TBC1D32: variants seen among roughly 807,000 people sequenced by gnomAD.
TBC1D32 encodes protein broad-minded.
Under a neutral mutation model 170.3 loss-of-function variants are expected in TBC1D32, and 151 were observed. The ratio of observed to expected loss-of-function variants is 0.89; its 90% CI spans 0.78 to 1.01. TBC1D32 has a LOEUF of 1.01. Among genes scored for constraint, TBC1D32 ranks in the 50% least tolerant of loss-of-function variants. The pLI is 0.00. For missense variants in TBC1D32, 1,464 were observed against 1,457.1 expected (o/e 1.00, Z -0.08); for synonymous variants, 498 against 488.0 (o/e 1.02, Z -0.27).
At chr6:121,147,461 G>A (rs182253405) in intron 24 of TBC1D32, among the ~76,000 whole-genome samples, 7 of 152,190 alleles carry the variant, frequency 4.6e-5, no homozygotes, top group African/African-American at 1.4e-4. Flanking sequence ...CTCTTTTCTC[G>A]GAAGCCCTGC....
At chr6:121,247,787 G>C (rs777298221) in intron 17 of TBC1D32, among the ~76,000 whole-genome samples, 15 of 146,636 alleles carry the variant, frequency 1.0e-4, no homozygotes, top group Admixed American at 2.7e-4. Flanking sequence ...AAATTTATAT[G>C]CACCTAACAC....
chr6:121,300,665 C>G (rs1277144694), intron 9 of TBC1D32, among the ~76,000 whole-genome samples: 1 of 152,010 alleles, frequency 6.6e-6, no homozygotes, highest in Non-Finnish European at 1.5e-5. Context: ...AAAGCAATGA[C>G]AACAAAAGCC....
chr6:121,301,625 G>A (rs200485863), intron 9 of TBC1D32, among the ~76,000 whole-genome samples: 7 of 152,090 alleles, frequency 4.6e-5, no homozygotes, highest in South Asian at 2.1e-4. Context: ...ACCATGGCAC[G>A]TGTATACCTA....
At chr6:121,293,640 G>A (rs148487116) in intron 11 of TBC1D32, among the ~76,000 whole-genome samples, 6 of 152,248 alleles carry the variant, frequency 3.9e-5, no homozygotes, top group African/African-American at 1.2e-4. Flanking sequence ...TGCAGGGCGC[G>A]GTGGCTCATG....
In TBC1D32 at chr6:121,218,807, G is replaced by A. The variant is rs117302213; in HGVS notation, c.2481+4429C>T. On this transcript the variant is annotated intron_variant, in intron 21 of 31. Coordinates refer to ENST00000398212, the MANE Select transcript of TBC1D32 (RefSeq NM_152730.6). Reference sequence around the variant, plus strand: ...TTACCCCCATGCTGTTTTCATGATAGTGAGTTATCATGAGATATGATGGTT... The same window carrying A: ...TTACCCCCATGCTGTTTTCATGATAATGAGTTATCATGAGATATGATGGTT... Among the ~76,000 whole-genome samples, 236 of 152,256 alleles carry A rather than the reference G, an allele frequency of 1.6e-3. 1 individual carries two copies. The highest frequency in any genetic ancestry group is 3.4e-3 in the Middle Eastern group (1 of 294).
intron 15 of TBC1D32, among the ~76,000 whole-genome samples, chr6:121,276,233 G>A (rs1281933357): frequency 1.3e-5 from 2 of 151,990 alleles, no homozygotes; most frequent in Non-Finnish European, 2.9e-5. Context: ...AAAAGTAAAT[G>A]AGTAACAGAA....
intron 20 of TBC1D32, among the ~76,000 whole-genome samples, chr6:121,228,460 T>C (rs1795328814): frequency 6.6e-6 from 1 of 152,136 alleles, no homozygotes. Flanking sequence ...CTGATGTATT[T>C]TTATTTGCAT....
intron 29 of TBC1D32, among the ~76,000 whole-genome samples, chr6:121,107,769 G>A (rs141366018): frequency 0.014 from 2,182 of 152,014 alleles, 14 homozygotes; most frequent in Middle Eastern, 0.031. Flanking sequence ...TCTAATAGTA[G>A]CATAAGAGTT....
At chr6:121,288,650 T>G (rs967681793) in intron 12 of TBC1D32, among the ~76,000 whole-genome samples, 27 of 152,318 alleles carry the variant, frequency 1.8e-4, no homozygotes, top group African/African-American at 6.5e-4. Context: ...CTAACTCATT[T>G]TATGAGGCCA....
intron 5 of TBC1D32, among the ~76,000 whole-genome samples, chr6:121,306,856 C>T (rs1277851840): frequency 6.6e-6 from 1 of 152,042 alleles, no homozygotes; most frequent in East Asian, 1.9e-4. Context: ...TATGATTCAC[C>T]TCAAATTATT....
intron 24 of TBC1D32, among the ~76,000 whole-genome samples, chr6:121,136,038 C>A (rs9490125): frequency 1.2e-3 from 186 of 152,130 alleles, no homozygotes; most frequent in African/African-American, 4.4e-3. Flanking sequence ...CAAAACTCCC[C>A]TAACATGAAT....
intron 29 of TBC1D32, among the ~76,000 whole-genome samples, chr6:121,106,817 TTA>T (rs1389477289): frequency 2.0e-5 from 3 of 151,940 alleles, no homozygotes; most frequent in Non-Finnish European, 1.5e-5. Flanking sequence ...TGATAGTTAC[TTA>T]TATATATGTG....
At position 121,192,066 on chromosome 6, in the gene TBC1D32, T is replaced by TTATATATATA. The variant is rs1554263739; in HGVS notation, c.2570+12999_2570+13008dup. On this transcript the variant is annotated intron_variant, in intron 22 of 31. Transcript: ENST00000398212. Reference sequence around the variant, plus strand: ...AAGTTAATACTTAATAAACTACCCTTTATATATATATATATATCCTATTAG... The same window carrying TTATATATATA: ...AAGTTAATACTTAATAAACTACCCTTTATATATATATATATATATATATATATCCTATTAG... Among the ~76,000 whole-genome samples the TTATATATATA allele has an allele frequency of 8.4e-4, 103 of 122,432 alleles. 5 individuals carry two copies. Among genetic ancestry groups the TTATATATATA allele is most frequent in the African/African-American group, 3.3e-3 (94 of 28,836 alleles). 80.3% of individuals were successfully genotyped at this position (122,432 alleles called of 152,430 possible). A position where few individuals can be genotyped will look rare whatever the true frequency, so the allele number is the denominator to read the frequency against.
At chr6:121,279,774 T>C (rs1802737648) in intron 14 of TBC1D32, among the ~76,000 whole-genome samples, 1 of 151,972 alleles carries the variant, frequency 6.6e-6, no homozygotes, top group Admixed American at 6.6e-5. Context: ...CTAACCATAT[T>C]TGCTCACTTT....
At chr6:121,287,473 C>A (rs187449577) in intron 12 of TBC1D32, among the ~76,000 whole-genome samples, 8 of 152,216 alleles carry the variant, frequency 5.3e-5, no homozygotes, top group Admixed American at 4.6e-4. Context: ...TATATATGCA[C>A]CCAATACAGG....
intron 24 of TBC1D32, among the ~76,000 whole-genome samples, chr6:121,136,561 A>T (rs1169534837): frequency 6.6e-6 from 1 of 152,168 alleles, no homozygotes; most frequent in Non-Finnish European, 1.5e-5. Context: ...AAAGAAAAGC[A>T]AATTACCCAA....
Position 121,112,657 on chromosome 6 carries a change from A to C in TBC1D32, c.3172T>G (p.Cys1058Gly). The change falls in exon 29 of 32, where the codon TGC (cysteine) becomes GGC (glycine). Residue 1058 changes from cysteine (C) to glycine (G), a missense_variant and splice_region_variant. Cys to Gly is a radical substitution (Grantham distance 159, BLOSUM62 -3). Coordinates refer to ENST00000398212, the MANE Select transcript of TBC1D32 (RefSeq NM_152730.6). Reference sequence around the variant, plus strand: ...TGGCCAGCATAATTCCCTTGCAGGCAGACTGAAAAACACAGTTAAGAAAAC... The same window carrying C: ...TGGCCAGCATAATTCCCTTGCAGGCCGACTGAAAAACACAGTTAAGAAAAC... ...QQTSIKSSLL[C>G]LQGNYAGHDW... is the part of the protein sequence containing the mutation. 1 of 1,563,166 alleles carries C rather than the reference A, an allele frequency of 6.4e-7. No individual in the cohort carries two copies. Among genetic ancestry groups the C allele is most frequent in the Non-Finnish European group, 8.6e-7 (1 of 1,158,520 alleles).
At chr6:121,331,466 T>G (rs935467529) in intron 1 of TBC1D32, among the ~76,000 whole-genome samples, 3 of 151,906 alleles carry the variant, frequency 2.0e-5, no homozygotes, top group African/African-American at 7.3e-5. Context: ...GTGATTCACC[T>G]GCCTTGGCCT....
intron 24 of TBC1D32, among the ~76,000 whole-genome samples, chr6:121,137,129 T>C (rs1001155825): frequency 3.3e-5 from 5 of 152,140 alleles, no homozygotes; most frequent in Non-Finnish European, 7.4e-5. Flanking sequence ...GCTCCTGTAA[T>C]GAAATGAACA....
Sources: gnomAD v4.1 joint callset for allele counts (sites outside exome capture counted in the v4.1 genomes callset) on GRCh38, gnomAD v4.1.1 for gene constraint, MANE v1.5 for transcripts, NCBI Gene and HGNC (gene_info 2026-07-23, HGNC 2026-07-21) for gene names.